KANK1: variants seen among roughly 807,000 people sequenced by gnomAD.
KANK1 encodes KN motif and ankyrin repeat domains 1.
A neutral mutation model predicts 106.2 loss-of-function variants in KANK1; 109 were observed. That is an observed-to-expected ratio of 1.03 (90% CI 0.88 to 1.20). KANK1 has a LOEUF of 1.20. Ranked by LOEUF, KANK1 falls within the 50% of genes most tolerant of loss-of-function variation. The probability of loss-of-function intolerance (pLI) is 0.00; values close to 1 mark genes in which losing one functional copy is unlikely to be tolerated. For missense variants in KANK1, 2,399 were observed against 1,710.7 expected, an observed-to-expected ratio of 1.40 and a Z score of -7.10; for synonymous variants, 873 against 652.2, an observed-to-expected ratio of 1.34 and a Z score of -5.16.
Position 745,591 on chromosome 9 carries a change from A to C in KANK1, c.*356A>C, listed in dbSNP as rs1447692095. 1 of 163,892 alleles carries C rather than the reference A, an allele frequency of 6.1e-6. No individual in the cohort carries two copies. 10.2% of individuals were successfully genotyped at this position (163,892 alleles called of 1,614,324 possible). On this transcript the variant is annotated 3_prime_UTR_variant, in exon 12 of 12. Coordinates refer to ENST00000382297, the MANE Select transcript of KANK1 (RefSeq NM_015158.5). Reference sequence around the variant, plus strand: ...GAGACGTTTTAAGATTTTTCCACAAATATTTATATGTACTAAATGTGGAAC... The same window carrying C: ...GAGACGTTTTAAGATTTTTCCACAACTATTTATATGTACTAAATGTGGAAC...
At chr9:687,711 C>G (rs1033792352) in intron 2 of KANK1, among the ~76,000 whole-genome samples, 5 of 152,154 alleles carry the variant, frequency 3.3e-5, no homozygotes, top group African/African-American at 1.2e-4. Flanking sequence ...CCTCTCTTAC[C>G]TCTCCCAACA....
At chr9:658,931 C>T (rs1281136158) in intron 1 of KANK1, among the ~76,000 whole-genome samples, 1 of 152,142 alleles carries the variant, frequency 6.6e-6, no homozygotes, top group East Asian at 1.9e-4. Context: ...CCCTTAAGGA[C>T]CACCCATTCC....
intron 3 of KANK1, among the ~76,000 whole-genome samples, chr9:719,664 C>T (rs1474091424): frequency 1.3e-5 from 2 of 152,098 alleles, no homozygotes; most frequent in African/African-American, 4.8e-5. Flanking sequence ...TAACTAATAC[C>T]CATTCTGGAC....
Position 581,909 on chromosome 9 carries a change from A to G in KANK1, c.-84+77155A>G, listed in dbSNP as rs190248257. ...CAGAGTGCAGGTATGGCCATCTGCC[A>G]CTCAGAGTTTCACAGTCATTCACTT... is the stretch of plus-strand genomic sequence containing the variant. On this transcript the variant is annotated intron_variant, in intron 1 of 11. Coordinates refer to ENST00000382297, the MANE Select transcript of KANK1 (RefSeq NM_015158.5). 5.9e-5 allele frequency among the ~76,000 whole-genome samples: 9 copies of G among 152,172 alleles called. No individual in the cohort carries two copies. The East Asian group carries it at 1.7e-3, about 29-fold the overall frequency.
intron 1 of KANK1, among the ~76,000 whole-genome samples, chr9:563,371 T>TC (rs907891314): frequency 1.3e-5 from 2 of 152,218 alleles, no homozygotes; most frequent in Non-Finnish European, 2.9e-5. Flanking sequence ...AACTGAGAAC[T>TC]CTGAACAGCC....
chr9:555,382 G>GCA (rs34686847), intron 1 of KANK1, among the ~76,000 whole-genome samples: 11,088 of 152,144 alleles, frequency 0.073, 1,094 homozygotes, highest in East Asian at 0.22. Flanking sequence ...TGCAAACTGT[G>GCA]CAGTGTCAGC....
intron 1 of KANK1, among the ~76,000 whole-genome samples, chr9:640,308 T>G (rs1044414773): frequency 2.0e-5 from 3 of 151,572 alleles, no homozygotes; most frequent in African/African-American, 7.3e-5. Context: ...TGATCTCGGC[T>G]CTCTGCAGCC....
At chr9:719,645 A>G (rs1016695752) in intron 3 of KANK1, among the ~76,000 whole-genome samples, 13 of 152,250 alleles carry the variant, frequency 8.5e-5, no homozygotes, top group Admixed American at 1.3e-4. Context: ...ACCCATGGCT[A>G]TATACCAATA....
At chr9:513,103 A>T (rs2059108649) in intron 1 of KANK1, among the ~76,000 whole-genome samples, 1 of 152,196 alleles carries the variant, frequency 6.6e-6, no homozygotes. Context: ...TAAAAATGGG[A>T]ATTGCCTATG....
In KANK1 at chr9:631,506, A is replaced by ATT. The variant is rs1268016330; in HGVS notation, c.-83-45383_-83-45382insTT. The stretch of plus-strand genomic sequence containing the variant: ...CAGACCTCCCTCCTAATTCCCCACT[A>ATT]TACCTGTGCACTGAAACACCCTCTT... On this transcript the variant is annotated intron_variant, in intron 1 of 11. Transcript: ENST00000382297. 6.0e-5 allele frequency among the ~76,000 whole-genome samples: 9 copies of ATT among 150,824 alleles called. No homozygotes were observed. In the East Asian group the frequency reaches 1.6e-3, roughly 26 times the overall value.
intron 1 of KANK1, among the ~76,000 whole-genome samples, chr9:504,959 C>CT (rs1296837428): frequency 1.3e-5 from 2 of 149,814 alleles, no homozygotes; most frequent in East Asian, 2.0e-4. Context: ...CGGGGCGGTC[C>CT]TGGGGGGGGG....
intron 2 of KANK1, chr9:707,336 C>G: frequency 1.6e-6 from 1 of 635,678 alleles, no homozygotes; most frequent in African/African-American, 2.0e-5. Flanking sequence ...AAGGTGCGCA[C>G]TGCTGGGCCG....
intron 1 of KANK1, among the ~76,000 whole-genome samples, chr9:611,786 T>G (rs1310103251): frequency 6.6e-6 from 1 of 152,206 alleles, no homozygotes; most frequent in East Asian, 1.9e-4. Flanking sequence ...CGGTGCAGTC[T>G]CAGCTCACTG....
chr9:717,371 T>C lies in KANK1; in HGVS notation c.2698+3907T>C, dbSNP rs187205285. 2.1e-4 allele frequency among the ~76,000 whole-genome samples: 32 copies of C among 152,322 alleles called. No individual in the cohort carries two copies. The East Asian group carries it at 6.2e-3, about 29-fold the overall frequency. On this transcript the variant is annotated intron_variant, in intron 3 of 11. Coordinates refer to ENST00000382297, the MANE Select transcript of KANK1 (RefSeq NM_015158.5). The stretch of plus-strand genomic sequence containing the variant: ...AAGCCTCCCTGGCACACTCCTGTGG[T>C]AGCCCGCGTGTGTTTGGTATTTACA...
At chr9:625,982 C>T (rs570621970) in intron 1 of KANK1, among the ~76,000 whole-genome samples, 1 of 152,096 alleles carries the variant, frequency 6.6e-6, no homozygotes, top group African/African-American at 2.4e-5. Context: ...ATTCAACTTT[C>T]TGGACCTCCC....
At chr9:741,086 C>G (rs1835362224) in intron 9 of KANK1, 152 bp downstream of exon 9, 1 of 774,806 alleles carries the variant, frequency 1.3e-6, no homozygotes, top group Non-Finnish European at 2.0e-6. Flanking sequence ...CTGCCTGGCA[C>G]TCCTTGCTGA....
At chr9:620,647 C>T (rs1832935793) in intron 1 of KANK1, among the ~76,000 whole-genome samples, 1 of 152,070 alleles carries the variant, frequency 6.6e-6, no homozygotes, top group African/African-American at 2.4e-5. Flanking sequence ...CCTCATGATC[C>T]AGCTGCCTTG....
At chr9:477,050 G>C (rs916923917) in intron 3 of KANK1, among the ~76,000 whole-genome samples, 13 of 152,190 alleles carry the variant, frequency 8.5e-5, no homozygotes, top group Non-Finnish European at 1.3e-4. Flanking sequence ...ACATTTGTCT[G>C]ATACTAAGAG....
chr9:677,075 C>T, intron 2 of KANK1, 66 bp downstream of exon 2: 12 of 1,422,094 alleles, frequency 8.4e-6, no homozygotes, highest in Admixed American at 1.7e-5. Flanking sequence ...TTTTTATTCT[C>T]TTTAATAATG....
Sources: allele counts gnomAD v4.1 joint callset (sites outside exome capture counted in the v4.1 genomes callset), GRCh38; gene constraint gnomAD v4.1.1; transcripts MANE v1.5; gene names NCBI Gene and HGNC (gene_info 2026-07-23, HGNC 2026-07-21).